Variants in KCND2 observed in about 807,000 individuals in gnomAD.
KCND2 encodes potassium voltage-gated channel subfamily D member 2, also known as A-type voltage-gated potassium channel KCND2.
In KCND2, 16 loss-of-function variants were observed where a neutral mutation model predicts 54.4. The observed-to-expected ratio is 0.29, with a 90% CI of 0.20 to 0.45. KCND2 has a LOEUF of 0.45. Among genes scored for constraint, KCND2 ranks in the 20% least tolerant of loss-of-function variants. The pLI, the probability that KCND2 is intolerant of heterozygous loss-of-function variation, is 1.00. For synonymous variants in KCND2, 317 were observed against 310.7 expected (o/e 1.02, Z -0.21); for missense variants, 486 against 824.2 (o/e 0.59, Z 5.02).
intron 4 of KCND2, among the ~76,000 whole-genome samples, chr7:120,742,904 A>G (rs765432417): frequency 1.3e-5 from 2 of 152,188 alleles, no homozygotes; most frequent in Non-Finnish European, 2.9e-5. Context: ...AATCCTACAC[A>G]ATATCATTTT....
At chr7:120,571,284 A>G (rs1014320671) in intron 1 of KCND2, among the ~76,000 whole-genome samples, 3 of 152,226 alleles carry the variant, frequency 2.0e-5, no homozygotes, top group Non-Finnish European at 4.4e-5. Context: ...CAAAATATGA[A>G]TTAAAGAGAG....
intron 1 of KCND2, among the ~76,000 whole-genome samples, chr7:120,289,841 A>G (rs893461039): frequency 1.1e-4 from 17 of 152,124 alleles, no homozygotes; most frequent in Non-Finnish European, 1.6e-4. Context: ...AATTGGGTCT[A>G]TGATTCTTGT....
chr7:120,479,104 A>G (rs1482728275), intron 1 of KCND2, among the ~76,000 whole-genome samples: 2 of 152,136 alleles, frequency 1.3e-5, no homozygotes, highest in East Asian at 3.9e-4. Context: ...TATCAACATA[A>G]AATGCATGGT....
chr7:120,408,032 A>G (rs939450589), intron 1 of KCND2, among the ~76,000 whole-genome samples: 4 of 151,890 alleles, frequency 2.6e-5, no homozygotes, highest in Non-Finnish European at 5.9e-5. Flanking sequence ...CTTGCAACAC[A>G]TGTTTAAGAA....
chr7:120,337,356 A>G (rs891793958), intron 1 of KCND2, among the ~76,000 whole-genome samples: 1 of 152,188 alleles, frequency 6.6e-6, no homozygotes, highest in Non-Finnish European at 1.5e-5. Context: ...TCAAGCAAAG[A>G]TTATCAAACC....
chr7:120,573,717 G>A (rs1291151593), intron 1 of KCND2, among the ~76,000 whole-genome samples: 1 of 152,000 alleles, frequency 6.6e-6, no homozygotes, highest in East Asian at 1.9e-4. Flanking sequence ...ACCTAAAAGG[G>A]TGAATGTCTT....
Position 120,474,256 on chromosome 7 carries a change from G to A in KCND2, c.1115+198509G>A, listed in dbSNP as rs543055855. Among the ~76,000 whole-genome samples, 7 of 152,304 alleles carry A rather than the reference G, an allele frequency of 4.6e-5. No individual in the cohort carries two copies. In the South Asian group the frequency reaches 1.0e-3, roughly 23 times the overall value. On this transcript the variant is annotated intron_variant, in intron 1 of 5. Transcript: ENST00000331113. The stretch of plus-strand genomic sequence containing the variant: ...TGGCAGCTCAAGCATCCCACTGCCT[G>A]GCCATTCTGCTCTGCCAAGCTTGTG...
At chr7:120,708,422 A>G (rs542991732) in intron 1 of KCND2, among the ~76,000 whole-genome samples, 5 of 152,314 alleles carry the variant, frequency 3.3e-5, no homozygotes, top group African/African-American at 7.2e-5. Flanking sequence ...GATTTTGTCA[A>G]TAATGAACTT....
intron 1 of KCND2, among the ~76,000 whole-genome samples, chr7:120,561,539 G>T (rs577275559): frequency 6.6e-6 from 1 of 151,362 alleles, no homozygotes; most frequent in South Asian, 2.1e-4. Context: ...TACAAGGCTG[G>T]GCTATAAACC....
At chr7:120,560,141 G>A (rs1792215685) in intron 1 of KCND2, among the ~76,000 whole-genome samples, 1 of 152,108 alleles carries the variant, frequency 6.6e-6, no homozygotes, top group Non-Finnish European at 1.5e-5. Flanking sequence ...TTAAAATTTA[G>A]CATTAATATG....
chr7:120,394,635 A>G (rs556106364), intron 1 of KCND2, among the ~76,000 whole-genome samples: 1 of 152,082 alleles, frequency 6.6e-6, no homozygotes, highest in Admixed American at 6.6e-5. Flanking sequence ...TTAGGGAGGG[A>G]CTATTATCAT....
intron 1 of KCND2, among the ~76,000 whole-genome samples, chr7:120,557,942 A>T (rs1340918290): frequency 1.3e-5 from 2 of 151,996 alleles, no homozygotes; most frequent in African/African-American, 4.8e-5. Context: ...CAAATTCCAA[A>T]CTCCTGAAGA....
intron 1 of KCND2, among the ~76,000 whole-genome samples, chr7:120,335,502 TATTA>T (rs1173831906): frequency 4.7e-5 from 7 of 148,398 alleles, no homozygotes; most frequent in South Asian, 2.2e-4. Flanking sequence ...TTTATTTATT[TATTA>T]GACAGAGTCT....
intron 1 of KCND2, among the ~76,000 whole-genome samples, chr7:120,333,391 A>G (rs1002854715): frequency 1.3e-5 from 2 of 152,044 alleles, no homozygotes; most frequent in African/African-American, 4.8e-5. Flanking sequence ...TTCTCTTTAC[A>G]CTCAGGTTAG....
intron 1 of KCND2, among the ~76,000 whole-genome samples, chr7:120,713,773 G>C (rs1000489031): frequency 6.6e-6 from 1 of 151,634 alleles, no homozygotes; most frequent in Non-Finnish European, 1.5e-5. Context: ...CACTGTCATT[G>C]AGAGGATTTG....
At chr7:120,507,166 G>C (rs1052504555) in intron 1 of KCND2, among the ~76,000 whole-genome samples, 1 of 151,834 alleles carries the variant, frequency 6.6e-6, no homozygotes, top group African/African-American at 2.4e-5. Flanking sequence ...AACATTTTAA[G>C]GAAAGAGAGT....
At chr7:120,715,927 C>G (rs1792596862) in intron 1 of KCND2, among the ~76,000 whole-genome samples, 1 of 151,954 alleles carries the variant, frequency 6.6e-6, no homozygotes, top group Non-Finnish European at 1.5e-5. Context: ...TGTATCAGTA[C>G]CTAAACAATC....
chr7:120,326,387 G>A (rs981749606), intron 1 of KCND2, among the ~76,000 whole-genome samples: 2 of 151,924 alleles, frequency 1.3e-5, no homozygotes, highest in Non-Finnish European at 2.9e-5. Flanking sequence ...AGACATTTCT[G>A]GCTTAATTAC....
intron 1 of KCND2, among the ~76,000 whole-genome samples, chr7:120,427,348 C>T (rs1409897115): frequency 6.6e-6 from 1 of 152,170 alleles, no homozygotes; most frequent in African/African-American, 2.4e-5. Flanking sequence ...GACAGTTTGC[C>T]CCTGTGGCCT....
Sources: allele counts gnomAD v4.1 joint callset (sites outside exome capture counted in the v4.1 genomes callset), GRCh38; gene constraint gnomAD v4.1.1; transcripts MANE v1.5; gene names NCBI Gene and HGNC (gene_info 2026-07-23, HGNC 2026-07-21).